ILDR1: variants seen among roughly 807,000 people sequenced by gnomAD.
ILDR1 encodes immunoglobulin like domain containing receptor 1.
In ILDR1, 56 loss-of-function variants were observed where a neutral mutation model predicts 62.4. The observed-to-expected ratio is 0.90, with a 90% CI of 0.72 to 1.12. The LOEUF is 1.12. ILDR1 is among the 50% of genes most tolerant of loss of function. The pLI is 0.00. For missense variants in ILDR1, 736 were observed against 710.6 expected (o/e 1.04, Z -0.41); for synonymous variants, 284 against 277.8 (o/e 1.02, Z -0.22).
the ILDR1 span, among the ~76,000 whole-genome samples, chr3:122,049,807 G>A: frequency 6.6e-6 from 1 of 152,220 alleles, no homozygotes; most frequent in East Asian, 1.9e-4. Context: ...CTCATCAAAT[G>A]CCTAGACAGA....
intron 2 of ILDR1, 37 bp from the exon 3 acceptor site, chr3:122,005,430 AG>A: frequency 6.2e-7 from 1 of 1,612,402 alleles, no homozygotes; most frequent in Non-Finnish European, 8.5e-7. Flanking sequence ...ACACAGCAAT[AG>A]GGGGTTCCCA....
chr3:122,023,063 A>T (rs891642891), upstream of ILDR1, among the ~76,000 whole-genome samples: 2 of 151,030 alleles, frequency 1.3e-5, no homozygotes, highest in Non-Finnish European at 3.0e-5. Context: ...GAGTTTAAAA[A>T]AATCCTGCTG....
the ILDR1 span, among the ~76,000 whole-genome samples, chr3:122,031,779 C>A: frequency 6.6e-6 from 1 of 152,170 alleles, no homozygotes; most frequent in Non-Finnish European, 1.5e-5. Flanking sequence ...CTATGAGAAA[C>A]AAATTTCTGT....
At chr3:122,005,186 G>A (rs1576725376) in intron 3 of ILDR1, 58 bp downstream of exon 3, 2 of 1,245,110 alleles carry the variant, frequency 1.6e-6, no homozygotes, top group South Asian at 1.3e-5. Context: ...AGCCTGCCAG[G>A]CCTGGTGTCT....
chr3:122,041,962 T>C, the ILDR1 span, among the ~76,000 whole-genome samples: 1 of 146,816 alleles, frequency 6.8e-6, no homozygotes, highest in Admixed American at 6.8e-5. Flanking sequence ...CATGTGCACA[T>C]TGTGCAGGTT....
the ILDR1 span, among the ~76,000 whole-genome samples, chr3:122,050,436 T>G: frequency 6.6e-6 from 1 of 152,148 alleles, no homozygotes; most frequent in Non-Finnish European, 1.5e-5. Context: ...CCATAGGTAT[T>G]TTCTTTGTGC....
At chr3:122,042,366 G>A in the ILDR1 span, among the ~76,000 whole-genome samples, 1,827 of 59,928 alleles carry the variant, frequency 0.03, 43 homozygotes, top group Middle Eastern at 0.043. Flanking sequence ...GAATAATGCC[G>A]CAATAAACAT....
Position 121,988,380 on chromosome 3 carries a change from C to T in ILDR1, c.1628G>A (p.Ser543Asn). Residue 543 changes from serine (S) to asparagine (N), a missense_variant, in exon 8 of 8, where the codon AGT becomes AAT. By Grantham distance (46) the Ser-to-Asn change is conservative. Transcript: ENST00000344209. The stretch of plus-strand genomic sequence containing the variant: ...TGTGCTTGGTGACTAAATGACCACA[C>T]TCCTTCCACTATGAGAGCTGTCTTT... ...SEKDSSHSGR[S>N]VVI 1.2e-6 allele frequency: 2 copies of T among 1,613,860 alleles called. No homozygotes were observed. Among genetic ancestry groups the T allele is most frequent in the Non-Finnish European group, 1.7e-6 (2 of 1,179,778 alleles).
chr3:122,001,206 A>G (rs1160131958), intron 5 of ILDR1, 102 bp downstream of exon 5: 22 of 1,326,602 alleles, frequency 1.7e-5, no homozygotes, highest in Non-Finnish European at 2.4e-5. Context: ...AAGGGCATGG[A>G]GGAGAACCTG....
chr3:121,995,147 A>T (rs1464331466), intron 5 of ILDR1, among the ~76,000 whole-genome samples: 3 of 152,204 alleles, frequency 2.0e-5, no homozygotes, highest in Non-Finnish European at 4.4e-5. Flanking sequence ...CAAATTAAAA[A>T]CAAAAGCATT....
At chr3:122,002,112 C>T (rs2071538023) in intron 3 of ILDR1, among the ~76,000 whole-genome samples, 1 of 152,138 alleles carries the variant, frequency 6.6e-6, no homozygotes, top group Non-Finnish European at 1.5e-5. Flanking sequence ...TGCACTCCAG[C>T]CTGGGCAACA....
At chr3:122,024,142 A>G (rs771417671), upstream of ILDR1, among the ~76,000 whole-genome samples, 1 of 152,156 alleles carries the variant, frequency 6.6e-6, no homozygotes, top group Non-Finnish European at 1.5e-5. Context: ...CAGTATATGA[A>G]AAAAGGGCTC....
chr3:122,060,492 G>T, the ILDR1 span, among the ~76,000 whole-genome samples: 1 of 152,070 alleles, frequency 6.6e-6, no homozygotes, highest in Non-Finnish European at 1.5e-5. Flanking sequence ...CATTTTAAAG[G>T]TTAAACAGAG....
chr3:121,987,908 C>T lies in ILDR1; in HGVS notation c.*459G>A. 2 of 240,784 alleles carry T rather than the reference C, an allele frequency of 8.3e-6. No homozygotes were observed. The highest frequency in any genetic ancestry group is 1.6e-5 in the Non-Finnish European group (2 of 121,536). The allele number at this position is 240,784 out of a possible 1,614,324, so 14.9% of individuals were successfully genotyped here. A position where few individuals can be genotyped will look rare whatever the true frequency, so the allele number is the denominator to read the frequency against. On this transcript the variant is annotated 3_prime_UTR_variant, in exon 8 of 8. Coordinates refer to ENST00000344209, the MANE Select transcript of ILDR1 (RefSeq NM_001199799.2). ...AACTCTAACTTTTTTGTTTTTTGGC[C>T]TTTTGGGTTTTTTAGTAATGGGGAC...
the ILDR1 span, among the ~76,000 whole-genome samples, chr3:122,045,998 A>T: frequency 1.4e-5 from 2 of 143,752 alleles, no homozygotes; most frequent in African/African-American, 5.1e-5. Flanking sequence ...TAGTTGATGC[A>T]GTTTCTTCCT....
chr3:122,007,206 C>T lies in ILDR1; in HGVS notation c.59-45G>A, dbSNP rs189314251. On this transcript the variant is annotated intron_variant, in intron 1 of 7. Coordinates refer to ENST00000344209, the MANE Select transcript of ILDR1 (RefSeq NM_001199799.2). The stretch of plus-strand genomic sequence containing the variant: ...AAAATGCTGAAGGTGACCTACTCTG[C>T]TCATGGGTAAGAAAAACAATGCAAA... 6.4e-4 allele frequency: 1,034 copies of T among 1,613,612 alleles called. 3 individuals are homozygous for T. The highest frequency in any genetic ancestry group is 7.7e-4 in the Non-Finnish European group (913 of 1,179,802).
chr3:122,056,354 G>A, the ILDR1 span, among the ~76,000 whole-genome samples: 6 of 152,076 alleles, frequency 3.9e-5, no homozygotes, highest in Admixed American at 1.3e-4. Flanking sequence ...ATTTATTTTT[G>A]AAACAGAGTC....
At chr3:122,050,494 T>C in the ILDR1 span, among the ~76,000 whole-genome samples, 1 of 152,026 alleles carries the variant, frequency 6.6e-6, no homozygotes, top group Non-Finnish European at 1.5e-5. Context: ...ACTATCTTTT[T>C]AAAGCCGATA....
chr3:121,987,907 C>T lies in ILDR1; in HGVS notation c.*460G>A. The T allele has an allele frequency of 4.2e-6, 1 of 239,976 alleles. No individual in the cohort carries two copies. Among genetic ancestry groups the T allele is most frequent in the Non-Finnish European group, 8.3e-6 (1 of 120,888 alleles). 14.9% of individuals were successfully genotyped at this position (239,976 alleles called of 1,614,324 possible). ...GAACTCTAACTTTTTTGTTTTTTGG[C>T]CTTTTGGGTTTTTTAGTAATGGGGA... On this transcript the variant is annotated 3_prime_UTR_variant, in exon 8 of 8. Transcript: ENST00000344209.
Sources: allele counts gnomAD v4.1 joint callset (sites outside exome capture counted in the v4.1 genomes callset), GRCh38; gene constraint gnomAD v4.1.1; transcripts MANE v1.5; gene names NCBI Gene and HGNC (gene_info 2026-07-23, HGNC 2026-07-21).